Variants in CNOT4 observed in about 807,000 individuals in gnomAD.
The protein encoded by CNOT4 is CCR4-associated factor 4.
Under a neutral mutation model 73.8 loss-of-function variants are expected in CNOT4, and 8 were observed. The observed-to-expected ratio is 0.11, with a 90% CI of 0.06 to 0.20. The LOEUF is 0.20. Among genes scored for constraint, CNOT4 ranks in the 10% least tolerant of loss-of-function variants. CNOT4 has a pLI of 1.00. For synonymous variants in CNOT4, 293 were observed against 321.1 expected (o/e 0.91, Z 0.94); for missense variants, 564 against 883.4 (o/e 0.64, Z 4.58).
rs1334919625 is a variant in CNOT4, at chr7:135,380,828, T to TA, written c.1627+13089_1627+13090insT. ...TGTTTATTATCATCATTGTTATTAT[T>TA]CGGTCTTTAAAAGGATTGTTAAAGA... On this transcript the variant is annotated intron_variant, in intron 10 of 11. Transcript: ENST00000541284. Among the ~76,000 whole-genome samples, 4 of 152,342 alleles carry TA rather than the reference T, an allele frequency of 2.6e-5. No homozygotes were observed. In the East Asian group the frequency reaches 7.7e-4, roughly 29 times the overall value.
chr7:135,362,652 A>G lies in CNOT4; in HGVS notation c.*233T>C. On this transcript the variant is annotated 3_prime_UTR_variant, in exon 12 of 12. Coordinates refer to ENST00000541284, the MANE Select transcript of CNOT4 (RefSeq NM_001190850.2). Reference sequence around the variant, plus strand: ...TCTCTCCTTAAAAAGGCATTTTTAGAAACATTCAACAGTGTCACTCAAATG... The same window carrying G: ...TCTCTCCTTAAAAAGGCATTTTTAGGAACATTCAACAGTGTCACTCAAATG... 1 of 626,184 alleles carries G rather than the reference A, an allele frequency of 1.6e-6. No individual in the cohort carries two copies. The highest frequency in any genetic ancestry group is 2.9e-6 in the Non-Finnish European group (1 of 349,980). 38.8% of individuals were successfully genotyped at this position (626,184 alleles called of 1,614,324 possible). A position where few individuals can be genotyped will look rare whatever the true frequency, so the allele number is the denominator to read the frequency against.
chr7:135,509,973 A>G lies in CNOT4; in HGVS notation c.-177T>C, dbSNP rs1804647088. On this transcript the variant is annotated 5_prime_UTR_variant, in exon 1 of 12. Transcript: ENST00000541284. ...GAAACCACCGAACGAGCGTCGGGGA[A>G]AAAACTCTTCAGAACCGGGCCTGAT... 1 of 398,958 alleles carries G rather than the reference A, an allele frequency of 2.5e-6. No individual in the cohort carries two copies. Among genetic ancestry groups the G allele is most frequent in the South Asian group, 1.3e-4 (1 of 7,886 alleles). The allele number at this position is 398,958 out of a possible 1,614,324, so 24.7% of individuals were successfully genotyped here.
intron 10 of CNOT4, chr7:135,387,800 C>T (rs77819442): frequency 0.082 from 80,076 of 977,910 alleles, 3,548 homozygotes; most frequent in Middle Eastern, 0.13. Context: ...TAAAGTACTC[C>T]ACTATTCTCT....
chr7:135,457,280 C>T (rs929552491), intron 1 of CNOT4, among the ~76,000 whole-genome samples: 4 of 151,164 alleles, frequency 2.6e-5, no homozygotes, highest in East Asian at 3.9e-4. Flanking sequence ...CAATAATACA[C>T]AGTGAAAGGA....
chr7:135,444,314 C>A, intron 1 of CNOT4: 1 of 598,996 alleles, frequency 1.7e-6, no homozygotes. Flanking sequence ...TACTTGTGCA[C>A]CAGTGTTCCT....
chr7:135,444,346 C>CA (rs1229194045), intron 1 of CNOT4: 10 of 648,498 alleles, frequency 1.5e-5, no homozygotes, highest in South Asian at 8.2e-5. Context: ...TGACAATAGC[C>CA]AAAAAATGGA....
chr7:135,470,427 G>A (rs936612636), intron 1 of CNOT4, among the ~76,000 whole-genome samples: 1 of 152,008 alleles, frequency 6.6e-6, no homozygotes, highest in Non-Finnish European at 1.5e-5. Context: ...TACCATGCTT[G>A]GCCTGTTCAT....
At chr7:135,424,993 C>T (rs1798411794) in intron 2 of CNOT4, among the ~76,000 whole-genome samples, 1 of 152,154 alleles carries the variant, frequency 6.6e-6, no homozygotes, top group African/African-American at 2.4e-5. Flanking sequence ...CTGAGATAAG[C>T]GTTCAGAAAC....
Position 135,398,363 on chromosome 7 carries a change from A to G in CNOT4, c.822-137T>C, listed in dbSNP as rs866339671. 62 of 603,272 alleles carry G rather than the reference A, an allele frequency of 1.0e-4. No homozygotes were observed. In the African/African-American group the frequency reaches 1.1e-3, roughly 10 times the overall value. The allele number at this position is 603,272 out of a possible 1,614,324, so 37.4% of individuals were successfully genotyped here. A position where few individuals can be genotyped will look rare whatever the true frequency, so the allele number is the denominator to read the frequency against. Reference sequence around the variant, plus strand: ...TTATTGAGGTACTGGGAAGTAAAACATTGATTAAATGTTGAGGACACAAAG... The same window carrying G: ...TTATTGAGGTACTGGGAAGTAAAACGTTGATTAAATGTTGAGGACACAAAG... On this transcript the variant is annotated intron_variant, in intron 7 of 11. Transcript: ENST00000541284.
intron 3 of CNOT4, among the ~76,000 whole-genome samples, chr7:135,421,378 T>C (rs925087328): frequency 6.6e-6 from 1 of 151,992 alleles, no homozygotes; most frequent in Non-Finnish European, 1.5e-5. Context: ...CAAAACCAGC[T>C]CTCTCCTACC....
intron 1 of CNOT4, among the ~76,000 whole-genome samples, chr7:135,484,754 C>CAA (rs775810753): frequency 1.8e-3 from 141 of 77,938 alleles, no homozygotes; most frequent in Middle Eastern, 9.8e-3. Flanking sequence ...GACTCTGTCT[C>CAA]AAAAAAAAAA....
intron 10 of CNOT4, among the ~76,000 whole-genome samples, chr7:135,382,674 A>G (rs1341618510): frequency 1.3e-5 from 2 of 152,258 alleles, no homozygotes; most frequent in African/African-American, 2.4e-5. Flanking sequence ...TTTTTTAAAA[A>G]ATTGTGTAAT....
At chr7:135,417,421 T>C (rs1212758593) in intron 3 of CNOT4, among the ~76,000 whole-genome samples, 1 of 152,222 alleles carries the variant, frequency 6.6e-6, no homozygotes, top group Non-Finnish European at 1.5e-5. Flanking sequence ...TTTCAAATTA[T>C]GTGTGTAGAC....
chr7:135,440,930 T>G (rs1381196640), intron 1 of CNOT4, among the ~76,000 whole-genome samples: 1 of 148,190 alleles, frequency 6.7e-6, no homozygotes, highest in African/African-American at 2.5e-5. Context: ...AAAAAAAGAG[T>G]AGAAAACTGC....
At chr7:135,435,854 A>G (rs1262421442) in intron 2 of CNOT4, among the ~76,000 whole-genome samples, 2 of 152,182 alleles carry the variant, frequency 1.3e-5, no homozygotes, top group Non-Finnish European at 2.9e-5. Flanking sequence ...GTTTCCATTA[A>G]CCTTAAGGCT....
At chr7:135,377,052 A>G (rs1403467855) in intron 10 of CNOT4, among the ~76,000 whole-genome samples, 1 of 152,206 alleles carries the variant, frequency 6.6e-6, no homozygotes, top group Non-Finnish European at 1.5e-5. Flanking sequence ...CATCTTTAAG[A>G]GTTCTTTCTC....
chr7:135,373,562 G>T (rs1430048706), intron 10 of CNOT4, among the ~76,000 whole-genome samples: 5 of 152,096 alleles, frequency 3.3e-5, no homozygotes, highest in Non-Finnish European at 7.4e-5. Flanking sequence ...GAAGCAACAT[G>T]CTTAGAATTA....
chr7:135,421,369 A>G (rs1034542005), intron 3 of CNOT4, among the ~76,000 whole-genome samples: 1 of 152,110 alleles, frequency 6.6e-6, no homozygotes, highest in African/African-American at 2.4e-5. Flanking sequence ...AAGATCCCCC[A>G]AAACCAGCTC....
intron 1 of CNOT4, among the ~76,000 whole-genome samples, chr7:135,465,816 G>A (rs1297608797): frequency 1.3e-5 from 2 of 152,036 alleles, no homozygotes; most frequent in African/African-American, 4.8e-5. Flanking sequence ...GGGAGGCCGA[G>A]GCAGGTGGAT....
Sources: allele counts gnomAD v4.1 joint callset (sites outside exome capture counted in the v4.1 genomes callset), GRCh38; gene constraint gnomAD v4.1.1; transcripts MANE v1.5; gene names NCBI Gene and HGNC (gene_info 2026-07-23, HGNC 2026-07-21).